Variants in DCC observed in about 807,000 individuals in gnomAD.
The protein encoded by DCC is DCC netrin 1 receptor, also known as netrin receptor DCC.
DCC carries 58 observed loss-of-function variants against 172.5 expected under a neutral mutation model. That is an observed-to-expected ratio of 0.34 (90% CI 0.27 to 0.42). The LOEUF (loss-of-function observed/expected upper bound fraction) is 0.42, where lower values mean the gene tolerates loss of function less well. Among genes scored for constraint, DCC ranks in the 10% least tolerant of loss-of-function variants. The pLI is 1.00. For synonymous variants in DCC, 709 were observed against 644.5 expected (o/e 1.10, Z -1.52); for missense variants, 1,740 against 1,791.0 (o/e 0.97, Z 0.51).
rs181292660 is a variant in DCC, at chr18:52,886,832, G to A, written c.413-19212G>A. Among the ~76,000 whole-genome samples the A allele has an allele frequency of 2.1e-3, 314 of 152,272 alleles. 7 individuals carry two copies. The highest frequency in any genetic ancestry group is 0.018 in the Admixed American group (281 of 15,284). ...TTGTTAAAATTTGGTGTGTGTCAGC[G>A]GGGATGGCAAATGTAGCCTTCTATT... On this transcript the variant is annotated intron_variant, in intron 2 of 28. Coordinates refer to ENST00000442544, the MANE Select transcript of DCC (RefSeq NM_005215.4).
chr18:52,465,017 A>G (rs1264442241), intron 1 of DCC, among the ~76,000 whole-genome samples: 7 of 152,090 alleles, frequency 4.6e-5, no homozygotes, highest in Non-Finnish European at 7.4e-5. Context: ...ACAGCAAGAT[A>G]TTATTCTTTA....
At chr18:53,445,307 G>A (rs543686210) in intron 22 of DCC, among the ~76,000 whole-genome samples, 1 of 152,202 alleles carries the variant, frequency 6.6e-6, no homozygotes, top group Non-Finnish European at 1.5e-5. Context: ...TAATTATAAA[G>A]CCATTATCAG....
rs80178503 is a variant in DCC, at chr18:52,397,490, A to G, written c.91+56612A>G. ...ATGTAACACTATTGCTGCTATATGC[A>G]TAAATGGCTTTCATTCCTAGGGTCC... On this transcript the variant is annotated intron_variant, in intron 1 of 28. Coordinates refer to ENST00000442544, the MANE Select transcript of DCC (RefSeq NM_005215.4). 6.4e-3 allele frequency among the ~76,000 whole-genome samples: 974 copies of G among 152,168 alleles called. 23 individuals carry two copies. Among genetic ancestry groups the G allele is most frequent in the Admixed American group, 0.04 (606 of 15,248 alleles).
Position 52,623,058 on chromosome 18 carries a change from C to T in DCC, c.92-128996C>T, listed in dbSNP as rs141757826. 1.3e-3 allele frequency among the ~76,000 whole-genome samples: 193 copies of T among 152,310 alleles called. 2 individuals are homozygous for T. Among genetic ancestry groups the T allele is most frequent in the African/African-American group, 4.2e-3 (175 of 41,564 alleles). On this transcript the variant is annotated intron_variant, in intron 1 of 28. Coordinates refer to ENST00000442544, the MANE Select transcript of DCC (RefSeq NM_005215.4). ...CCAGGGATCTGCAAACTGTAGCCCA[C>T]AGGCCAGCTGTTTGTTTATGTAAAT...
At chr18:52,740,553 T>A (rs2036804989) in intron 1 of DCC, among the ~76,000 whole-genome samples, 1 of 152,092 alleles carries the variant, frequency 6.6e-6, no homozygotes, top group Non-Finnish European at 1.5e-5. Flanking sequence ...AACCATGAGG[T>A]TTGCTGAATT....
At chr18:53,441,510 G>C (rs1007494722) in intron 22 of DCC, among the ~76,000 whole-genome samples, 1 of 151,934 alleles carries the variant, frequency 6.6e-6, no homozygotes, top group Non-Finnish European at 1.5e-5. Context: ...CTAAACTTTT[G>C]CTCTTCCCTC....
intron 1 of DCC, among the ~76,000 whole-genome samples, chr18:52,559,183 C>T (rs2032983018): frequency 6.6e-6 from 1 of 152,158 alleles, no homozygotes; most frequent in African/African-American, 2.4e-5. Flanking sequence ...ACGATCTGGG[C>T]TCACTGCAAC....
intron 2 of DCC, among the ~76,000 whole-genome samples, chr18:52,901,839 A>C (rs1038831827): frequency 6.6e-6 from 1 of 152,242 alleles, no homozygotes; most frequent in Non-Finnish European, 1.5e-5. Flanking sequence ...GATTTACTTC[A>C]CAGAAATAAA....
intron 2 of DCC, among the ~76,000 whole-genome samples, chr18:52,882,617 C>G (rs1488214371): frequency 6.6e-6 from 1 of 151,950 alleles, no homozygotes; most frequent in African/African-American, 2.4e-5. Flanking sequence ...ACACTGGGGT[C>G]AGAAAAGATG....
At chr18:52,482,539 G>T (rs2030009240) in intron 1 of DCC, among the ~76,000 whole-genome samples, 1 of 151,736 alleles carries the variant, frequency 6.6e-6, no homozygotes, top group Non-Finnish European at 1.5e-5. Flanking sequence ...TGTTTTAGCA[G>T]ATGGCCTTCT....
chr18:53,002,378 C>T (rs2041579188), intron 5 of DCC, among the ~76,000 whole-genome samples: 1 of 152,078 alleles, frequency 6.6e-6, no homozygotes, highest in Admixed American at 6.6e-5. Flanking sequence ...TACAGAAATT[C>T]ACCTGACAAT....
At chr18:52,576,321 C>T (rs1028565844) in intron 1 of DCC, among the ~76,000 whole-genome samples, 1 of 152,130 alleles carries the variant, frequency 6.6e-6, no homozygotes, top group Non-Finnish European at 1.5e-5. Context: ...TTTCCGTAGC[C>T]CTGCTATAAT....
At chr18:52,412,709 C>A (rs1986884118) in intron 1 of DCC, among the ~76,000 whole-genome samples, 1 of 152,092 alleles carries the variant, frequency 6.6e-6, no homozygotes, top group Non-Finnish European at 1.5e-5. Flanking sequence ...AAATTTAGAA[C>A]TTTCTCATTC....
chr18:53,426,515 A>G (rs1277669705), intron 21 of DCC, among the ~76,000 whole-genome samples: 2 of 149,316 alleles, frequency 1.3e-5, no homozygotes, highest in Non-Finnish European at 3.0e-5. Context: ...TTGGCCTGGC[A>G]AAGTATACTG....
At chr18:53,200,757 TG>T (rs2055524920) in intron 9 of DCC, among the ~76,000 whole-genome samples, 1 of 152,128 alleles carries the variant, frequency 6.6e-6, no homozygotes, top group South Asian at 2.1e-4. Context: ...CTCAGAGTCA[TG>T]GTCAGGTAAG....
chr18:52,802,769 G>T (rs371564266), intron 2 of DCC, among the ~76,000 whole-genome samples: 5 of 141,018 alleles, frequency 3.5e-5, no homozygotes, highest in African/African-American at 1.3e-4. Flanking sequence ...GCCTCCCAAA[G>T]TGTAAGGATT....
At chr18:52,858,996 C>T (rs2039093860) in intron 2 of DCC, among the ~76,000 whole-genome samples, 2 of 152,102 alleles carry the variant, frequency 1.3e-5, no homozygotes, top group Admixed American at 1.3e-4. Flanking sequence ...TATAATCTTA[C>T]TTTTCATATA....
intron 5 of DCC, among the ~76,000 whole-genome samples, chr18:52,995,788 C>A (rs944053917): frequency 6.6e-6 from 1 of 151,994 alleles, no homozygotes; most frequent in African/African-American, 2.4e-5. Context: ...AGGAGCCTAA[C>A]TTCAGTAAGT....
chr18:53,276,487 A>T (rs1158448450), intron 12 of DCC, among the ~76,000 whole-genome samples: 2 of 152,244 alleles, frequency 1.3e-5, no homozygotes, highest in East Asian at 3.9e-4. Context: ...TAAGCACAAA[A>T]CCACCTTACT....
Sources: gnomAD v4.1 joint callset for allele counts (sites outside exome capture counted in the v4.1 genomes callset) on GRCh38, gnomAD v4.1.1 for gene constraint, MANE v1.5 for transcripts, NCBI Gene and HGNC (gene_info 2026-07-23, HGNC 2026-07-21) for gene names.